ACOT13: variants seen among roughly 807,000 people sequenced by gnomAD.
The protein encoded by ACOT13 is acyl-coenzyme A thioesterase 13.
In ACOT13, 10 loss-of-function variants were observed where a neutral mutation model predicts 11.8. The ratio of observed to expected loss-of-function variants is 0.85; its 90% CI spans 0.53 to 1.44. The LOEUF is 1.44. Ranked by LOEUF, ACOT13 falls within the 40% of genes most tolerant of loss-of-function variation. ACOT13 has a pLI of 0.00. For synonymous variants in ACOT13, 53 were observed against 61.0 expected, an observed-to-expected ratio of 0.87 and a Z score of 0.61; for missense variants, 172 against 174.1, an observed-to-expected ratio of 0.99 and a Z score of 0.07.
At chr6:24,671,186 A>G (rs1045432274) in intron 1 of ACOT13, among the ~76,000 whole-genome samples, 5 of 152,326 alleles carry the variant, frequency 3.3e-5, no homozygotes, top group Non-Finnish European at 4.4e-5. Flanking sequence ...AGCACTATTC[A>G]CCATAGCAAA....
At chr6:24,667,900 G>A (rs1355661571) in intron 1 of ACOT13, among the ~76,000 whole-genome samples, 6 of 151,052 alleles carry the variant, frequency 4.0e-5, no homozygotes, top group African/African-American at 1.2e-4. Flanking sequence ...GCCCGAAGGT[G>A]TTTGTTTGTT....
At chr6:24,690,064 C>G (rs1778697863) in intron 1 of ACOT13, among the ~76,000 whole-genome samples, 1 of 152,106 alleles carries the variant, frequency 6.6e-6, no homozygotes, top group South Asian at 2.1e-4. Flanking sequence ...ACTTGGCCAT[C>G]CTAGGAGTTC....
chr6:24,682,262 C>T (rs1242175577), intron 1 of ACOT13, among the ~76,000 whole-genome samples: 4 of 152,190 alleles, frequency 2.6e-5, no homozygotes, highest in South Asian at 4.1e-4. Flanking sequence ...TATTACTCAC[C>T]GCTTTGGATG....
At chr6:24,692,741 T>C (rs1317076278) in intron 1 of ACOT13, among the ~76,000 whole-genome samples, 1 of 152,234 alleles carries the variant, frequency 6.6e-6, no homozygotes, top group African/African-American at 2.4e-5. Context: ...AATTTTAATC[T>C]TAATTTTTAC....
At chr6:24,693,496 G>T (rs1268897505) in intron 1 of ACOT13, among the ~76,000 whole-genome samples, 5 of 152,204 alleles carry the variant, frequency 3.3e-5, no homozygotes, top group Non-Finnish European at 7.3e-5. Context: ...AGACCAGAAT[G>T]ATCTGAGATG....
At position 24,704,361 on chromosome 6, in the gene ACOT13, T is replaced by G. The variant is rs1778954137; in HGVS notation, c.*2746T>G. 1 of 152,230 alleles carries G rather than the reference T, an allele frequency of 6.6e-6. No homozygotes were observed. Among genetic ancestry groups the G allele is most frequent in the Admixed American group, 6.5e-5 (1 of 15,288 alleles). 9.4% of individuals were successfully genotyped at this position (152,230 alleles called of 1,614,324 possible). A position where few individuals can be genotyped will look rare whatever the true frequency, so the allele number is the denominator to read the frequency against. ...AAAACGTAAACAATGGCTGCCAAAATGCCTAACTTGGTGAACATAAGTGTA... is the reference window on the plus strand; with the variant it reads ...AAAACGTAAACAATGGCTGCCAAAAGGCCTAACTTGGTGAACATAAGTGTA... On this transcript the variant is annotated 3_prime_UTR_variant, in exon 3 of 3. Transcript: ENST00000230048.
chr6:24,685,884 T>C (rs1778621426), intron 1 of ACOT13, among the ~76,000 whole-genome samples: 1 of 152,126 alleles, frequency 6.6e-6, no homozygotes, highest in African/African-American at 2.4e-5. Flanking sequence ...GTGAAAAGCA[T>C]TGACTTAGAA....
intron 1 of ACOT13, among the ~76,000 whole-genome samples, chr6:24,674,291 A>C (rs1229524767): frequency 6.6e-6 from 1 of 152,158 alleles, no homozygotes; most frequent in Non-Finnish European, 1.5e-5. Flanking sequence ...ACTGACTTCA[A>C]GTGATCTGCA....
intron 1 of ACOT13, among the ~76,000 whole-genome samples, chr6:24,693,192 C>T (rs914081920): frequency 1.3e-5 from 2 of 152,220 alleles, no homozygotes; most frequent in Non-Finnish European, 2.9e-5. Flanking sequence ...TATACACATA[C>T]AAAATTGTCA....
intron 1 of ACOT13, among the ~76,000 whole-genome samples, chr6:24,667,886 C>T (rs1419300368): frequency 6.6e-6 from 1 of 152,192 alleles, no homozygotes; most frequent in African/African-American, 2.4e-5. Flanking sequence ...CCAGCACTCA[C>T]AAAGCCCGAA....
intron 1 of ACOT13, among the ~76,000 whole-genome samples, chr6:24,680,851 T>C (rs995307381): frequency 6.6e-6 from 1 of 152,224 alleles, no homozygotes; most frequent in Non-Finnish European, 1.5e-5. Context: ...TATGTAAGTA[T>C]GGGCTTGGCT....
chr6:24,668,567 G>T (rs997391353), intron 1 of ACOT13, among the ~76,000 whole-genome samples: 1 of 152,198 alleles, frequency 6.6e-6, no homozygotes. Context: ...TGTGTTTGGG[G>T]TGTGGAGCAG....
intron 1 of ACOT13, among the ~76,000 whole-genome samples, chr6:24,668,921 A>G (rs1039661547): frequency 6.6e-6 from 1 of 152,158 alleles, no homozygotes; most frequent in Non-Finnish European, 1.5e-5. Context: ...GGAAAGGGAG[A>G]AGCCTCTGGT....
intron 2 of ACOT13, 71 bp from the exon 3 acceptor site, chr6:24,701,388 C>T (rs201470575): frequency 7.5e-5 from 103 of 1,371,348 alleles, no homozygotes; most frequent in Non-Finnish European, 1.0e-4. Context: ...CATAGGAACA[C>T]TGTTGTGAGA....
intron 1 of ACOT13, among the ~76,000 whole-genome samples, chr6:24,693,747 G>A (rs1379909009): frequency 2.0e-5 from 3 of 149,010 alleles, no homozygotes; most frequent in Non-Finnish European, 4.4e-5. Context: ...TTTTTGAGAC[G>A]GAGTCTCACT....
chr6:24,702,832 G>C lies in ACOT13; in HGVS notation c.*1217G>C, dbSNP rs1778915542. 6.6e-6 allele frequency: 1 copy of C among 152,066 alleles called. No individual in the cohort carries two copies. Among genetic ancestry groups the C allele is most frequent in the Non-Finnish European group, 1.5e-5 (1 of 68,014 alleles). 9.4% of individuals were successfully genotyped at this position (152,066 alleles called of 1,614,324 possible). A position where few individuals can be genotyped will look rare whatever the true frequency, so the allele number is the denominator to read the frequency against. On this transcript the variant is annotated 3_prime_UTR_variant, in exon 3 of 3. Transcript: ENST00000230048. ...CTTGTACCGAGAATAAAACCATGCA[G>C]ATCTCAAACCTCCAAGTCTATAGTA...
chr6:24,682,925 G>A (rs992980080), intron 1 of ACOT13, among the ~76,000 whole-genome samples: 5 of 152,216 alleles, frequency 3.3e-5, no homozygotes, highest in Admixed American at 2.6e-4. Flanking sequence ...GGCAATAGAT[G>A]ATTGGCTATT....
At chr6:24,700,669 C>T (rs1489880831) in intron 2 of ACOT13, among the ~76,000 whole-genome samples, 1 of 152,054 alleles carries the variant, frequency 6.6e-6, no homozygotes, top group Non-Finnish European at 1.5e-5. Flanking sequence ...CTCCTGCCCT[C>T]AGGTGATCTG....
chr6:24,704,862 T>C lies in ACOT13; in HGVS notation c.*3247T>C, dbSNP rs186349197. On this transcript the variant is annotated 3_prime_UTR_variant, in exon 3 of 3. Transcript: ENST00000230048. Reference sequence around the variant, plus strand: ...AAAGAAAAAGTTAACACTTCAAACTTTGTGTATTCACCTGAATAGTCAGGG... The same window carrying C: ...AAAGAAAAAGTTAACACTTCAAACTCTGTGTATTCACCTGAATAGTCAGGG... 57 of 152,376 alleles carry C rather than the reference T, an allele frequency of 3.7e-4. No homozygotes were observed. The highest frequency in any genetic ancestry group is 7.2e-4 in the Admixed American group (11 of 15,302). The allele number at this position is 152,376 out of a possible 1,614,324, so 9.4% of individuals were successfully genotyped here. A position where few individuals can be genotyped will look rare whatever the true frequency, so the allele number is the denominator to read the frequency against.
Sources: gnomAD v4.1 joint callset for allele counts (sites outside exome capture counted in the v4.1 genomes callset) on GRCh38, gnomAD v4.1.1 for gene constraint, MANE v1.5 for transcripts, NCBI Gene and HGNC (gene_info 2026-07-23, HGNC 2026-07-21) for gene names.